RGS22: variants seen among roughly 807,000 people sequenced by gnomAD.
The protein encoded by RGS22 is regulator of G protein signaling 22.
RGS22 carries 148 observed loss-of-function variants against 172.9 expected under a neutral mutation model. That is an observed-to-expected ratio of 0.86 (90% CI 0.75 to 0.98). The LOEUF (loss-of-function observed/expected upper bound fraction) is 0.98. Among genes scored for constraint, RGS22 ranks in the 50% least tolerant of loss-of-function variants. The probability of loss-of-function intolerance (pLI) is 0.00; values close to 1 mark genes in which losing one functional copy is unlikely to be tolerated. For missense variants in RGS22, 1,347 were observed against 1,440.8 expected (o/e 0.93, Z 1.05); for synonymous variants, 458 against 480.2 (o/e 0.95, Z 0.60).
At chr8:100,088,615 C>T (rs771122068) in intron 3 of RGS22, among the ~76,000 whole-genome samples, 6 of 152,114 alleles carry the variant, frequency 3.9e-5, no homozygotes, top group Non-Finnish European at 7.4e-5. Context: ...TTGGAAAGTG[C>T]TGCAATCATT....
At chr8:99,967,542 A>AG (rs1563553521) in intron 23 of RGS22, among the ~76,000 whole-genome samples, 1 of 152,124 alleles carries the variant, frequency 6.6e-6, no homozygotes, top group Non-Finnish European at 1.5e-5. Context: ...CGAGCTTGGT[A>AG]GGGGGAGGGG....
chr8:99,972,655 TAATC>T (rs1364196147), intron 23 of RGS22, among the ~76,000 whole-genome samples: 1 of 152,178 alleles, frequency 6.6e-6, no homozygotes, highest in Admixed American at 6.6e-5. Flanking sequence ...GAAAAATAGT[TAATC>T]AACACTGGTC....
At chr8:99,968,630 T>C (rs996326677) in intron 23 of RGS22, among the ~76,000 whole-genome samples, 24 of 151,780 alleles carry the variant, frequency 1.6e-4, no homozygotes, top group African/African-American at 5.8e-4. Flanking sequence ...AGAAAGGATA[T>C]CAGAGATTGA....
intron 12 of RGS22, among the ~76,000 whole-genome samples, chr8:100,041,276 G>T (rs943675634): frequency 6.6e-6 from 1 of 152,138 alleles, no homozygotes; most frequent in Non-Finnish European, 1.5e-5. Context: ...ATTGCCTGAG[G>T]TCAGGAGTGC....
intron 20 of RGS22, among the ~76,000 whole-genome samples, chr8:99,991,227 C>T (rs754327620): frequency 2.8e-4 from 43 of 152,186 alleles, no homozygotes; most frequent in Non-Finnish European, 5.6e-4. Flanking sequence ...GATCGCAGCT[C>T]CTCACCAGCA....
At chr8:100,077,716 T>G (rs149662173) in intron 4 of RGS22, among the ~76,000 whole-genome samples, 15 of 152,354 alleles carry the variant, frequency 9.8e-5, no homozygotes, top group African/African-American at 3.4e-4. Context: ...TAAAGTGTTC[T>G]GTAAAGATCA....
intron 20 of RGS22, among the ~76,000 whole-genome samples, chr8:99,990,295 A>G (rs997727776): frequency 1.6e-4 from 24 of 152,156 alleles, no homozygotes; most frequent in African/African-American, 5.1e-4. Context: ...TTTAAAAAAG[A>G]ACAGAGTTCT....
chr8:100,102,410 G>A (rs968455567), intron 2 of RGS22, among the ~76,000 whole-genome samples: 18 of 152,308 alleles, frequency 1.2e-4, no homozygotes, highest in Admixed American at 8.5e-4. Context: ...CTACAGGTCC[G>A]TGACACATTT....
At chr8:100,011,087 A>T (rs1168195702) in intron 14 of RGS22, among the ~76,000 whole-genome samples, 1 of 152,068 alleles carries the variant, frequency 6.6e-6, no homozygotes, top group Non-Finnish European at 1.5e-5. Flanking sequence ...TTTAAAACCT[A>T]TGGAGGGATT....
chr8:100,053,168 T>C (rs1821863311), intron 9 of RGS22, among the ~76,000 whole-genome samples, 192 bp from the exon 10 acceptor site: 1 of 152,152 alleles, frequency 6.6e-6, no homozygotes, highest in Non-Finnish European at 1.5e-5. Context: ...CTGCCTGCAA[T>C]CCCATTGACT....
At chr8:99,987,013 C>T (rs1010070321) in intron 21 of RGS22, among the ~76,000 whole-genome samples, 3 of 152,062 alleles carry the variant, frequency 2.0e-5, no homozygotes, top group Non-Finnish European at 4.4e-5. Flanking sequence ...GGTTGAGTAT[C>T]CCTTATCTGA....
chr8:100,029,501 A>ACTCCT lies in RGS22; in HGVS notation c.2166+9429_2166+9430insAGGAG, dbSNP rs1435389698. ...CAGATCATCTGAGGTCAGGAGTTCA[A>ACTCCT]GACCAGCCTGACCAGCATGGTGAAA... On this transcript the variant is annotated intron_variant, in intron 14 of 27. Coordinates refer to ENST00000360863, the MANE Select transcript of RGS22 (RefSeq NM_015668.5). Among the ~76,000 whole-genome samples the ACTCCT allele has an allele frequency of 3.9e-5, 6 of 152,156 alleles. No individual in the cohort carries two copies. The East Asian group carries it at 5.8e-4, about 15-fold the overall frequency.
intron 10 of RGS22, among the ~76,000 whole-genome samples, chr8:100,047,966 G>C (rs1167895104): frequency 6.6e-6 from 1 of 151,940 alleles, no homozygotes; most frequent in South Asian, 2.1e-4. Flanking sequence ...GTGTACTGGG[G>C]GGGGGTGCGG....
At chr8:100,061,183 A>G (rs1810107557) in intron 9 of RGS22, among the ~76,000 whole-genome samples, 1 of 152,132 alleles carries the variant, frequency 6.6e-6, no homozygotes, top group Non-Finnish European at 1.5e-5. Flanking sequence ...ACTTAAATGT[A>G]AAACTTAAAA....
intron 14 of RGS22, among the ~76,000 whole-genome samples, chr8:100,023,537 G>C (rs891303630): frequency 6.6e-6 from 1 of 152,128 alleles, no homozygotes; most frequent in Admixed American, 6.5e-5. Flanking sequence ...GGGCTCAAGT[G>C]ATCTTCCTGT....
At chr8:100,032,291 T>C (rs1279116756) in intron 14 of RGS22, among the ~76,000 whole-genome samples, 1 of 151,916 alleles carries the variant, frequency 6.6e-6, no homozygotes, top group Non-Finnish European at 1.5e-5. Context: ...CAGAGACACA[T>C]ATCAGGCTCA....
chr8:100,016,250 ACTTGGGTTGACGCT>A (rs1816933164), intron 14 of RGS22, among the ~76,000 whole-genome samples: 1 of 152,190 alleles, frequency 6.6e-6, no homozygotes, highest in Admixed American at 6.5e-5. Flanking sequence ...ACAATTTAGA[ACTTGGGTTGACGCT>A]TCATAGACTT....
chr8:99,998,784 GGGACTACTT>G (rs1212700331), intron 19 of RGS22, among the ~76,000 whole-genome samples: 2 of 152,054 alleles, frequency 1.3e-5, no homozygotes, highest in African/African-American at 4.8e-5. Flanking sequence ...CCAAGTAGCT[GGGACTACTT>G]GGTGTTCCAG....
At chr8:100,001,202 T>TTTTATATATATATATATACA (rs1554611098) in intron 18 of RGS22, among the ~76,000 whole-genome samples, 8 of 124,776 alleles carry the variant, frequency 6.4e-5, no homozygotes, top group East Asian at 2.3e-4. Context: ...TCCCAATTTT[T>TTTTATATATATATATATACA]TATATATATA....
Sources: allele counts gnomAD v4.1 joint callset (sites outside exome capture counted in the v4.1 genomes callset), GRCh38; gene constraint gnomAD v4.1.1; transcripts MANE v1.5; gene names NCBI Gene and HGNC (gene_info 2026-07-23, HGNC 2026-07-21).